Variants in BPNT1 observed in about 807,000 individuals in gnomAD.
BPNT1 encodes 3'(2'), 5'-bisphosphate nucleotidase 1, also known as 3'(2'),5'-bisphosphate nucleotidase 1.
A neutral mutation model predicts 36.9 loss-of-function variants in BPNT1; 28 were observed. The observed-to-expected ratio is 0.76, with a 90% CI of 0.56 to 1.04. The LOEUF is 1.04. BPNT1 is among the 50% of genes least tolerant of loss of function. The pLI is 0.00. For synonymous variants in BPNT1, 119 were observed against 130.9 expected, an observed-to-expected ratio of 0.91 and a Z score of 0.62; for missense variants, 313 against 372.9, an observed-to-expected ratio of 0.84 and a Z score of 1.32.
At chr1:220,062,609 T>C in intron 7 of BPNT1, 148 bp downstream of exon 7, 1 of 783,054 alleles carries the variant, frequency 1.3e-6, no homozygotes, top group Non-Finnish European at 2.0e-6. Context: ...AACATACGTG[T>C]GCATGTGTCT....
At chr1:220,081,779 C>T (rs548860848) in intron 1 of BPNT1, among the ~76,000 whole-genome samples, 112 of 152,060 alleles carry the variant, frequency 7.4e-4, no homozygotes, top group South Asian at 4.8e-3. Flanking sequence ...AAGTGGGCTA[C>T]CACCCCAGCA....
At chr1:220,083,683 A>AT (rs751689121) in intron 1 of BPNT1, among the ~76,000 whole-genome samples, 19 of 152,080 alleles carry the variant, frequency 1.2e-4, no homozygotes, top group Non-Finnish European at 2.5e-4. Context: ...CACTTTGTGG[A>AT]TTTTTTCCAA....
intron 1 of BPNT1, among the ~76,000 whole-genome samples, chr1:220,084,353 A>T (rs1381893961): frequency 6.6e-6 from 1 of 151,996 alleles, no homozygotes; most frequent in East Asian, 1.9e-4. Flanking sequence ...AGAAAAAGAA[A>T]AAGAAAAGGA....
At chr1:220,060,886 C>T (rs868041045) in intron 7 of BPNT1, among the ~76,000 whole-genome samples, 10 of 151,832 alleles carry the variant, frequency 6.6e-5, no homozygotes, top group East Asian at 1.9e-4. Context: ...GCGGTGGGGG[C>T]GGGGAGGCTT....
At chr1:220,067,415 C>A in intron 5 of BPNT1, 22 bp from the exon 6 acceptor site, 1 of 1,541,486 alleles carries the variant, frequency 6.5e-7, no homozygotes, top group South Asian at 1.2e-5. Context: ...AAATAAATAT[C>A]AGTTATATAA....
intron 4 of BPNT1, 44 bp from the exon 5 acceptor site, chr1:220,069,476 C>A (rs973280664): frequency 6.8e-7 from 1 of 1,474,878 alleles, no homozygotes; most frequent in Non-Finnish European, 9.3e-7. Context: ...ATCAAGCACA[C>A]AAAATTCTAA....
At chr1:220,068,576 C>T (rs1168388215) in intron 5 of BPNT1, among the ~76,000 whole-genome samples, 2 of 151,938 alleles carry the variant, frequency 1.3e-5, no homozygotes, top group African/African-American at 4.8e-5. Context: ...TTTGGGAGGC[C>T]CAGGTGAGTG....
chr1:220,084,924 A>C (rs991379347), intron 1 of BPNT1, among the ~76,000 whole-genome samples: 1 of 152,216 alleles, frequency 6.6e-6, no homozygotes. Context: ...AATCACTTTT[A>C]ATTGGCAGAT....
At chr1:220,076,548 G>T (rs1328309869) in intron 2 of BPNT1, among the ~76,000 whole-genome samples, 1 of 149,692 alleles carries the variant, frequency 6.7e-6, no homozygotes, top group Non-Finnish European at 1.5e-5. Context: ...AGCTGGATGT[G>T]GTGGCACATG....
chr1:220,082,536 A>G (rs561139822), intron 1 of BPNT1, among the ~76,000 whole-genome samples: 1 of 151,892 alleles, frequency 6.6e-6, no homozygotes, highest in African/African-American at 2.4e-5. Flanking sequence ...TTGTTCTACC[A>G]TGACTTTCTG....
chr1:220,060,498 C>T (rs949036046), intron 7 of BPNT1, among the ~76,000 whole-genome samples: 2 of 150,012 alleles, frequency 1.3e-5, no homozygotes, highest in African/African-American at 2.5e-5. Context: ...GCACTCCCCT[C>T]AAAAAAAAAC....
At chr1:220,086,773 A>C (rs779843357) in intron 1 of BPNT1, among the ~76,000 whole-genome samples, 2 of 151,358 alleles carry the variant, frequency 1.3e-5, no homozygotes, top group Admixed American at 1.3e-4. Flanking sequence ...ATGGGGTTTC[A>C]CCATGTTGGC....
At chr1:220,066,406 T>A (rs1333859930) in intron 6 of BPNT1, among the ~76,000 whole-genome samples, 1 of 152,086 alleles carries the variant, frequency 6.6e-6, no homozygotes, top group Non-Finnish European at 1.5e-5. Flanking sequence ...TTTTGGTAAA[T>A]CCTAAGAAAC....
At chr1:220,066,220 A>G in intron 6 of BPNT1, 2 of 705,612 alleles carry the variant, frequency 2.8e-6, no homozygotes, top group Admixed American at 3.2e-5. Flanking sequence ...ACCGTGCATT[A>G]CAATGCTTTA....
chr1:220,069,536 G>A, intron 4 of BPNT1, 104 bp from the exon 5 acceptor site: 1 of 801,104 alleles, frequency 1.2e-6, no homozygotes, highest in African/African-American at 1.8e-5. Flanking sequence ...GTTTGAAATT[G>A]TATTATGGAT....
At chr1:220,071,101 C>A (rs12757995) in intron 4 of BPNT1, among the ~76,000 whole-genome samples, 21,650 of 151,700 alleles carry the variant, frequency 0.14, 1,944 homozygotes, top group Admixed American at 0.22. Context: ...ACCTCGTGAT[C>A]CGCCTGCCTC....
chr1:220,086,916 G>C (rs779992701), intron 1 of BPNT1, among the ~76,000 whole-genome samples: 24 of 150,808 alleles, frequency 1.6e-4, no homozygotes, highest in Admixed American at 3.3e-4. Flanking sequence ...GCATATTGGC[G>C]GGCGCCTGTA....
rs1174517614 is a variant in BPNT1 at position 220,062,793 on chromosome 1, G to A, written c.636C>T (p.Pro212=). 12 of 1,613,996 alleles carry A rather than the reference G, an allele frequency of 7.4e-6. No homozygotes were observed. The highest frequency in any genetic ancestry group is 3.3e-5 in the Admixed American group (2 of 59,970). The change falls in exon 7 of 9, where the codon CCC becomes CCT. Residue 212 remains proline (P), a synonymous_variant. Coordinates refer to ENST00000322067, the MANE Select transcript of BPNT1 (RefSeq NM_006085.6). ...LVTDCVAAMN[P]DAVLRVGGAG... ...CTCCTCCTACTCGCAGCACAGCATC[G>A]GGGTTCATAGCAGCAACACAGTCAG...
intron 4 of BPNT1, among the ~76,000 whole-genome samples, 198 bp downstream of exon 4, chr1:220,072,652 G>A (rs1429497452): frequency 6.6e-6 from 1 of 152,128 alleles, no homozygotes; most frequent in Admixed American, 6.6e-5. Flanking sequence ...GAGTGCAAAG[G>A]AAACCCATAG....
Sources: allele counts gnomAD v4.1 joint callset (sites outside exome capture counted in the v4.1 genomes callset), GRCh38; gene constraint gnomAD v4.1.1; transcripts MANE v1.5; gene names NCBI Gene and HGNC (gene_info 2026-07-23, HGNC 2026-07-21).